Variants in TRPC7 observed in about 807,000 individuals in gnomAD.
TRPC7 encodes the protein transient receptor potential cation channel subfamily C member 7, also known as short transient receptor potential channel 7.
A neutral mutation model predicts 90.1 loss-of-function variants in TRPC7; 42 were observed. The observed-to-expected ratio is 0.47, with a 90% CI of 0.36 to 0.60. The LOEUF (loss-of-function observed/expected upper bound fraction) is 0.60. Ranked by LOEUF, TRPC7 falls within the 20% of genes least tolerant of loss-of-function variation. The pLI is 0.00. For synonymous variants in TRPC7, 451 were observed against 436.3 expected (o/e 1.03, Z -0.42); for missense variants, 955 against 1,112.3 (o/e 0.86, Z 2.01).
intron 3 of TRPC7, among the ~76,000 whole-genome samples, 154 bp downstream of exon 3, chr5:136,315,443 T>A (rs1258160919): frequency 6.6e-6 from 1 of 152,064 alleles, no homozygotes; most frequent in Non-Finnish European, 1.5e-5. Flanking sequence ...CTAGCAGCCC[T>A]GTGAAGCTGA....
At chr5:136,232,244 C>G (rs908347026) in intron 7 of TRPC7, among the ~76,000 whole-genome samples, 4 of 152,190 alleles carry the variant, frequency 2.6e-5, no homozygotes, top group African/African-American at 9.7e-5. Flanking sequence ...CATTTCTTCT[C>G]AGACTCCACA....
At chr5:136,283,671 G>C (rs1212942597) in intron 3 of TRPC7, among the ~76,000 whole-genome samples, 1 of 152,184 alleles carries the variant, frequency 6.6e-6, no homozygotes, top group Non-Finnish European at 1.5e-5. Flanking sequence ...AAAAGGGTCT[G>C]AGGACCACCT....
chr5:136,226,223 T>C lies in TRPC7; in HGVS notation c.2073A>G (p.Arg691=). 6.4e-7 allele frequency: 1 copy of C among 1,551,802 alleles called. No homozygotes were observed. Among genetic ancestry groups the C allele is most frequent in the Non-Finnish European group, 8.7e-7 (1 of 1,147,046 alleles). Residue 691 remains arginine, a synonymous_variant, in exon 9 of 12, where the codon CGA becomes CGG. Transcript: ENST00000513104. ...EDADVEWKFA[R]AKLWLSYFDE... Reference sequence around the variant, plus strand: ...CAAAGTAAGACAGCCAGAGTTTTGCTCGGGCGAACTTCCATTCCACATCTG... The same window carrying C: ...CAAAGTAAGACAGCCAGAGTTTTGCCCGGGCGAACTTCCATTCCACATCTG...
intron 2 of TRPC7, among the ~76,000 whole-genome samples, chr5:136,337,752 T>C (rs1456760290): frequency 2.0e-5 from 3 of 151,698 alleles, no homozygotes; most frequent in Admixed American, 6.6e-5. Context: ...TTATTTAGAG[T>C]ATGAACTTCA....
At chr5:136,220,536 T>C (rs955670930) in intron 10 of TRPC7, among the ~76,000 whole-genome samples, 6 of 152,156 alleles carry the variant, frequency 3.9e-5, no homozygotes, top group Non-Finnish European at 7.4e-5. Context: ...CCTGGTAAAT[T>C]TGAGGTCAGA....
chr5:136,283,068 C>T (rs1463706363), intron 3 of TRPC7, among the ~76,000 whole-genome samples: 3 of 152,244 alleles, frequency 2.0e-5, no homozygotes, highest in Non-Finnish European at 4.4e-5. Context: ...TCCTCCCTCC[C>T]TGAATGAGCC....
At chr5:136,280,254 A>G (rs1757505339) in intron 3 of TRPC7, among the ~76,000 whole-genome samples, 2 of 152,188 alleles carry the variant, frequency 1.3e-5, no homozygotes, top group Admixed American at 6.5e-5. Context: ...TTGGACACCT[A>G]TGGGTCTTAT....
chr5:136,234,807 A>G (rs1374259218), intron 7 of TRPC7, among the ~76,000 whole-genome samples: 1 of 152,214 alleles, frequency 6.6e-6, no homozygotes, highest in Non-Finnish European at 1.5e-5. Flanking sequence ...TGTCATGAAG[A>G]TAAGTGGACT....
intron 2 of TRPC7, among the ~76,000 whole-genome samples, chr5:136,327,428 A>G (rs1759375934): frequency 6.6e-6 from 1 of 152,224 alleles, no homozygotes; most frequent in Non-Finnish European, 1.5e-5. Context: ...AAAGGGCTGC[A>G]GGAACACTGT....
intron 7 of TRPC7, among the ~76,000 whole-genome samples, chr5:136,238,235 T>G (rs1250893997): frequency 1.3e-5 from 2 of 152,240 alleles, no homozygotes; most frequent in East Asian, 3.9e-4. Flanking sequence ...AGCTCCGAGC[T>G]CTTAATCTAT....
At chr5:136,344,753 T>C (rs191325115) in intron 2 of TRPC7, among the ~76,000 whole-genome samples, 2 of 152,256 alleles carry the variant, frequency 1.3e-5, no homozygotes, top group East Asian at 3.9e-4. Context: ...TAAGGGGGTA[T>C]AGGGATGTTC....
At position 136,365,212 on chromosome 5, in the gene TRPC7, GA is replaced by G. The variant is rs11404834; in HGVS notation, c.2+40del. ...TTTAGCGAGAACACAACCTCTACTG[GA>G]AAAAAAAATCAATATGAAAGAACCA... is the stretch of plus-strand genomic sequence containing the variant. On this transcript the variant is annotated intron_variant, in intron 1 of 11. Coordinates refer to ENST00000513104, the MANE Select transcript of TRPC7 (RefSeq NM_020389.3). 8.5e-5 allele frequency: 128 copies of G among 1,512,874 alleles called. No homozygotes were observed. In the African/African-American group the frequency reaches 1.2e-3, roughly 14 times the overall value. 93.7% of individuals were successfully genotyped at this position (1,512,874 alleles called of 1,614,324 possible). A position where few individuals can be genotyped will look rare whatever the true frequency, so the allele number is the denominator to read the frequency against.
intron 2 of TRPC7, among the ~76,000 whole-genome samples, chr5:136,344,075 C>A (rs1310886365): frequency 1.3e-5 from 2 of 152,112 alleles, no homozygotes; most frequent in Non-Finnish European, 2.9e-5. Context: ...TACATAAATA[C>A]CATGGAATAC....
chr5:136,242,952 G>T (rs1300123128), intron 7 of TRPC7, among the ~76,000 whole-genome samples: 5 of 152,168 alleles, frequency 3.3e-5, no homozygotes, highest in Non-Finnish European at 5.9e-5. Context: ...TTTTCTTCTA[G>T]CCTCTTCATT....
At chr5:136,324,866 A>T (rs1470930449) in intron 2 of TRPC7, among the ~76,000 whole-genome samples, 1 of 152,232 alleles carries the variant, frequency 6.6e-6, no homozygotes, top group Non-Finnish European at 1.5e-5. Context: ...ATTAACACTC[A>T]TTCCTTAATG....
chr5:136,341,811 G>T (rs1036386612), intron 2 of TRPC7, among the ~76,000 whole-genome samples: 1 of 152,186 alleles, frequency 6.6e-6, no homozygotes, highest in Admixed American at 6.5e-5. Context: ...ACCAGTTACA[G>T]ATCCAGCAGC....
intron 5 of TRPC7, among the ~76,000 whole-genome samples, chr5:136,263,004 A>C (rs1426402424): frequency 6.6e-6 from 1 of 152,228 alleles, no homozygotes; most frequent in East Asian, 1.9e-4. Flanking sequence ...ACAAACCAAA[A>C]CTAAACAAAC....
At position 136,225,311 on chromosome 5, in the gene TRPC7, G is replaced by C. The variant is rs1298274827; in HGVS notation, c.2306C>G (p.Thr769Arg). The C allele has an allele frequency of 6.2e-7, 1 of 1,613,118 alleles. No homozygotes were observed. Among genetic ancestry groups the C allele is most frequent in the Non-Finnish European group, 8.5e-7 (1 of 1,179,722 alleles). ...GGGCTTGCTCAAAGTGTTATTTGCT[G>C]TCAGATTTTCAGAATTCCTCATGCC... ...QAGMRNSENL[T>R]ANNTLSKPTR... Residue 769 changes from threonine (T) to arginine (R), a missense_variant, in exon 10 of 12, where the codon ACA (threonine) becomes AGA (arginine). By Grantham distance (71) the Thr-to-Arg change is moderately conservative (BLOSUM62 -1). Around this residue, in one of 4 missense-constraint regions of TRPC7, gnomAD observed 296 missense variants for 422.7 expected, o/e 0.70. Transcript: ENST00000513104.
At chr5:136,217,514 C>T (rs1333183454) in intron 10 of TRPC7, among the ~76,000 whole-genome samples, 1 of 152,180 alleles carries the variant, frequency 6.6e-6, no homozygotes, top group Non-Finnish European at 1.5e-5. Context: ...CAGCACTGCC[C>T]CTCCTCAGCC....
Sources: allele counts gnomAD v4.1 joint callset (sites outside exome capture counted in the v4.1 genomes callset), GRCh38; gene constraint gnomAD v4.1.1; regional missense constraint gnomAD v4.1.1; transcripts MANE v1.5; gene names NCBI Gene and HGNC (gene_info 2026-07-23, HGNC 2026-07-21).